Variants in KIFBP observed in about 807,000 individuals in gnomAD.
KIFBP encodes the protein KIF-binding protein.
KIFBP carries 46 observed loss-of-function variants against 58.9 expected under a neutral mutation model. The observed-to-expected ratio is 0.78, with a 90% confidence interval of 0.62 to 1.00. The LOEUF (loss-of-function observed/expected upper bound fraction) is 1.00. Among genes scored for constraint, KIFBP ranks in the 50% least tolerant of loss-of-function variants. The pLI, the probability that KIFBP is intolerant of heterozygous loss-of-function variation, is 0.00. For missense variants in KIFBP, 651 were observed against 752.9 expected (o/e 0.86, Z 1.58); for synonymous variants, 241 against 283.4 (o/e 0.85, Z 1.50).
intron 2 of KIFBP, among the ~76,000 whole-genome samples, chr10:69,003,457 CGTT>C (rs1176841676): frequency 4.6e-5 from 7 of 152,078 alleles, no homozygotes; most frequent in Non-Finnish European, 8.8e-5. Context: ...TTATGAAAGA[CGTT>C]GTTCCTTTTT....
In KIFBP at chr10:68,988,976, G is replaced by T. The variant is rs1269698619; in HGVS notation, c.144G>T (p.Ala48=). 1 of 1,614,242 alleles carries T rather than the reference G, an allele frequency of 6.2e-7. No individual in the cohort carries two copies. ...SARALLEEVK[A]LLGPAPEDED... is the part of the protein sequence containing the mutation. ...GGGCGCTACTGGAAGAGGTCAAGGC[G>T]CTGCTCGGCCCTGCGCCTGAGGACG... The change falls in exon 1 of 7, where the codon GCG becomes GCT. Residue 48 remains alanine, a synonymous_variant. Coordinates refer to ENST00000361983, the MANE Select transcript of KIFBP (RefSeq NM_015634.4).
intron 1 of KIFBP, chr10:68,999,630 G>A (rs1016361931): frequency 6.6e-6 from 1 of 152,106 alleles, no homozygotes; most frequent in Non-Finnish European, 1.5e-5. Context: ...GTTGTTGGCA[G>A]GATTCAGTTC....
At position 69,015,425 on chromosome 10, in the gene KIFBP, C is replaced by G. The variant is rs146920788; in HGVS notation, c.991-116C>G. ...TTTAAGATTATGATACCCTTCTAAA[C>G]CAGGCTGGAAAGTAAGAGACTTCTC... On this transcript the variant is annotated intron_variant, in intron 6 of 6. Coordinates refer to ENST00000361983, the MANE Select transcript of KIFBP (RefSeq NM_015634.4). 3.6e-5 allele frequency: 35 copies of G among 980,078 alleles called. No homozygotes were observed. The African/African-American group carries it at 4.6e-4, about 13-fold the overall frequency. 60.7% of individuals were successfully genotyped at this position (980,078 alleles called of 1,614,324 possible).
chr10:68,998,771 A>ATATATATTTTTT (rs1357079794), intron 1 of KIFBP, among the ~76,000 whole-genome samples: 8 of 99,868 alleles, frequency 8.0e-5, no homozygotes, highest in Non-Finnish European at 1.6e-4. Flanking sequence ...ATATATATAT[A>ATATATATTTTTT]TTTTTTTTTT....
At chr10:68,994,646 T>A (rs1843385893) in intron 1 of KIFBP, among the ~76,000 whole-genome samples, 1 of 152,142 alleles carries the variant, frequency 6.6e-6, no homozygotes, top group Non-Finnish European at 1.5e-5. Context: ...CCAGGTTATA[T>A]ATGTATAGGA....
At chr10:69,005,563 C>CT (rs1251152751) in intron 3 of KIFBP, among the ~76,000 whole-genome samples, 169 bp from the exon 4 acceptor site, 6 of 151,860 alleles carry the variant, frequency 4.0e-5, no homozygotes, top group Non-Finnish European at 7.4e-5. Context: ...GTAATCCCAG[C>CT]TACTCGGGAG....
chr10:68,991,970 G>T (rs1018297299), intron 1 of KIFBP, among the ~76,000 whole-genome samples: 47 of 147,710 alleles, frequency 3.2e-4, no homozygotes, highest in African/African-American at 1.1e-3. Context: ...TTTTTATGTG[G>T]GTTTTTTTTT....
rs200299966 is a variant in KIFBP at position 69,003,164 on chromosome 10, T to TAAGA, written c.526-1881_526-1878dup. ...TGTTTAGTTGTACCTCTGTTTCAGT[T>TAAGA]AAGAGACTGATTTGACTGTATTAAT... On this transcript the variant is annotated intron_variant, in intron 2 of 6. Transcript: ENST00000361983. Among the ~76,000 whole-genome samples, 1,347 of 152,282 alleles carry TAAGA rather than the reference T, an allele frequency of 8.8e-3. 18 individuals carry two copies. Among genetic ancestry groups the TAAGA allele is most frequent in the Admixed American group, 0.024 (370 of 15,292 alleles).
In KIFBP at chr10:69,016,207, C is replaced by G; in HGVS notation, c.1657C>G (p.Leu553Val). 5.0e-6 allele frequency: 8 copies of G among 1,612,592 alleles called. No homozygotes were observed. The highest frequency in any genetic ancestry group is 6.8e-6 in the Non-Finnish European group (8 of 1,179,356). ...AMLAKFRVAR[L>V]YGKIITADPK... Reference sequence around the variant, plus strand: ...GTTAGCTAAGTTTCGAGTTGCCCGTCTCTATGGCAAAATCATTACTGCAGA... The same window carrying G: ...GTTAGCTAAGTTTCGAGTTGCCCGTGTCTATGGCAAAATCATTACTGCAGA... The change falls in exon 7 of 7, where the codon CTC becomes GTC. Residue 553 changes from leucine (L) to valine (V), a missense_variant. By Grantham distance (32) the Leu-to-Val change is conservative (BLOSUM62 1). Transcript: ENST00000361983.
intron 1 of KIFBP, among the ~76,000 whole-genome samples, chr10:68,998,684 G>A (rs2132109555): frequency 6.7e-6 from 1 of 149,996 alleles, no homozygotes; most frequent in South Asian, 2.1e-4. Context: ...CCTTGTGCCT[G>A]AAGGACTGAC....
At chr10:69,003,424 A>G (rs1170823800) in intron 2 of KIFBP, among the ~76,000 whole-genome samples, 12 of 152,198 alleles carry the variant, frequency 7.9e-5, no homozygotes, top group Admixed American at 7.9e-4. Context: ...TAGTGTTTAC[A>G]TCCAGAATGT....
chr10:68,998,757 G>GTATATA (rs1554842726), intron 1 of KIFBP, among the ~76,000 whole-genome samples: 3,395 of 79,748 alleles, frequency 0.043, 179 homozygotes, highest in Non-Finnish European at 0.062. Context: ...ATACATATAT[G>GTATATA]TATATATATA....
intron 1 of KIFBP, among the ~76,000 whole-genome samples, chr10:68,992,039 G>T (rs912322151): frequency 2.6e-5 from 4 of 151,336 alleles, no homozygotes; most frequent in Non-Finnish European, 5.9e-5. Flanking sequence ...TGTTGCCCAG[G>T]CTACATAGCA....
rs2487707 is a variant in KIFBP at position 69,005,336 on chromosome 10, G to T, written c.605+211G>T. On this transcript the variant is annotated intron_variant, in intron 3 of 6. Transcript: ENST00000361983. ...ATACAATAAACAAATCCAACTCAAA[G>T]GGTTGGTGGGATAATCAAAATAAAT... 0.41 allele frequency among the ~76,000 whole-genome samples: 62,228 copies of T among 151,926 alleles called. 13,179 individuals are homozygous for T. The highest frequency in any genetic ancestry group is 0.49 in the Non-Finnish European group (32,995 of 67,942).
intron 1 of KIFBP, 142 bp downstream of exon 1, chr10:68,989,400 G>C (rs1321480119): frequency 3.3e-6 from 3 of 909,154 alleles, no homozygotes; most frequent in Non-Finnish European, 5.1e-6. Flanking sequence ...CCCAAAGAGC[G>C]TCTGTGGTCT....
intron 1 of KIFBP, 84 bp downstream of exon 1, chr10:68,989,342 G>A: frequency 1.4e-6 from 2 of 1,449,092 alleles, no homozygotes; most frequent in South Asian, 1.2e-5. Context: ...AAGGGCAGAC[G>A]TTGTAAGGCG....
intron 6 of KIFBP, 145 bp from the exon 7 acceptor site, chr10:69,015,395 AG>A (rs1382020124): frequency 6.0e-5 from 40 of 664,068 alleles, no homozygotes; most frequent in Non-Finnish European, 8.7e-5. Context: ...AAGTTTTCAA[AG>A]GTGTTTAAGA....
intron 1 of KIFBP, among the ~76,000 whole-genome samples, chr10:68,994,411 T>A (rs1340022798): frequency 1.3e-5 from 2 of 152,162 alleles, no homozygotes; most frequent in Non-Finnish European, 2.9e-5. Context: ...TGTATTCTCC[T>A]TGGGGAACTA....
At position 69,016,373 on chromosome 10, in the gene KIFBP, C is replaced by T. The variant is rs1222693850; in HGVS notation, c.1823C>T (p.Pro608Leu). 1.2e-6 allele frequency: 2 copies of T among 1,613,944 alleles called. No individual in the cohort carries two copies. The change falls in exon 7 of 7, where the codon CCA becomes CTA. Residue 608 changes from proline (P) to leucine (L), a missense_variant. Coordinates refer to ENST00000361983, the MANE Select transcript of KIFBP (RefSeq NM_015634.4). ...ELSKEMVSLLPTKMERFRTKM... is the reference protein window; with the variant it reads ...ELSKEMVSLLLTKMERFRTKM... ...AGTAAAGAGATGGTTAGTCTTCTCCCAACAAAAATGGAGAGATTCAGAACC... is the reference window on the plus strand; with the variant it reads ...AGTAAAGAGATGGTTAGTCTTCTCCTAACAAAAATGGAGAGATTCAGAACC...
Sources: gnomAD v4.1 joint callset for allele counts (sites outside exome capture counted in the v4.1 genomes callset) on GRCh38, gnomAD v4.1.1 for gene constraint, MANE v1.5 for transcripts, NCBI Gene and HGNC (gene_info 2026-07-23, HGNC 2026-07-21) for gene names.